Variants in PTPRB observed in about 807,000 individuals in gnomAD.
PTPRB encodes the protein protein tyrosine phosphatase receptor type B.
Under a neutral mutation model 238.1 loss-of-function variants are expected in PTPRB, and 97 were observed. That is an observed-to-expected ratio of 0.41 (90% CI 0.35 to 0.48). The LOEUF (loss-of-function observed/expected upper bound fraction) is 0.48, where lower values mean the gene tolerates loss of function less well. Ranked by LOEUF, PTPRB falls within the 20% of genes least tolerant of loss-of-function variation. The probability of loss-of-function intolerance (pLI) is 0.30; values close to 1 mark genes in which losing one functional copy is unlikely to be tolerated. For missense variants in PTPRB, 2,292 were observed against 2,681.9 expected (o/e 0.85, Z 3.21); for synonymous variants, 970 against 995.4 (o/e 0.97, Z 0.48).
intron 4 of PTPRB, chr12:70,608,637 G>C (rs1016342763): frequency 6.1e-6 from 1 of 162,938 alleles, no homozygotes; most frequent in Non-Finnish European, 1.3e-5. Context: ...CAGATTTTAT[G>C]TACAGTTCTA....
chr12:70,526,176 C>CAATA (rs908981552), intron 32 of PTPRB, among the ~76,000 whole-genome samples: 1 of 152,106 alleles, frequency 6.6e-6, no homozygotes, highest in African/African-American at 2.4e-5. Flanking sequence ...CTGGTATAAT[C>CAATA]AATAGATAAG....
chr12:70,562,448 CTGTT>C (rs1338715063), intron 16 of PTPRB, among the ~76,000 whole-genome samples: 2 of 152,180 alleles, frequency 1.3e-5, no homozygotes, highest in Admixed American at 6.5e-5. Flanking sequence ...CAGTCACTGC[CTGTT>C]TGTTATATTT....
rs780644388 is a variant in PTPRB at position 70,560,725 on chromosome 12, C to T, written c.4378G>A (p.Val1460Met). 2 of 1,613,880 alleles carry T rather than the reference C, an allele frequency of 1.2e-6. No individual in the cohort carries two copies. Among genetic ancestry groups the T allele is most frequent in the Admixed American group, 1.7e-5 (1 of 59,994 alleles). The change falls in exon 17 of 34, where the codon GTG (valine) becomes ATG (methionine). Residue 1460 changes from valine to methionine, a missense_variant. Transcript: ENST00000334414. This position sits in a 1 kb window ranked among gnomAD's most constrained non-coding sequence, Gnocchi z 4.2. ...CTGAGATCTCCACTGTGAGTTACCACCCACAGCACGTACTTCCTTCCAGGA... is the reference window on the plus strand; with the variant it reads ...CTGAGATCTCCACTGTGAGTTACCATCCACAGCACGTACTTCCTTCCAGGA... The part of the protein sequence containing the change: ...LVPGRKYVLW[V>M]VTHSGDLSNK...
chr12:70,535,189 C>T (rs1325266807), intron 29 of PTPRB, among the ~76,000 whole-genome samples: 1 of 145,324 alleles, frequency 6.9e-6, no homozygotes, highest in Non-Finnish European at 1.5e-5. Flanking sequence ...CCTTTGGGTT[C>T]ACTCATTTTT....
chr12:70,522,863 C>CTTTTTTTTTTTTTTTTTTTT (rs35913444), intron 33 of PTPRB, among the ~76,000 whole-genome samples: 1 of 118,238 alleles, frequency 8.5e-6, no homozygotes, highest in Non-Finnish European at 1.7e-5. Flanking sequence ...TTTGTTTTTT[C>CTTTTTTTTTTTTTTTTTTTT]TTTTTTTTTT....
Position 70,560,608 on chromosome 12 carries a change from CA to C in PTPRB, c.4432+62del, listed in dbSNP as rs878899149. ...TATCTCTTGTCATTAAAATCAGAATCAAAATGTGTCTCTGGAAGCTACTTCC... is the reference window on the plus strand; with the variant it reads ...TATCTCTTGTCATTAAAATCAGAATCAAATGTGTCTCTGGAAGCTACTTCC... On this transcript the variant is annotated intron_variant, in intron 17 of 33. Transcript: ENST00000334414. This position sits in a 1 kb window ranked among gnomAD's most constrained non-coding sequence, Gnocchi z 4.2. 6.8e-5 allele frequency: 108 copies of C among 1,587,008 alleles called. 1 individual carries two copies. In the South Asian group the frequency reaches 1.2e-3, roughly 17 times the overall value.
At chr12:70,627,028 G>A (rs1414532738) in intron 2 of PTPRB, among the ~76,000 whole-genome samples, 1 of 151,736 alleles carries the variant, frequency 6.6e-6, no homozygotes. Flanking sequence ...CATAGCACAG[G>A]GAATAAATTA....
chr12:70,590,075 T>C lies in PTPRB; in HGVS notation c.1939A>G (p.Thr647Ala). 1 of 1,614,016 alleles carries C rather than the reference T, an allele frequency of 6.2e-7. No individual in the cohort carries two copies. The highest frequency in any genetic ancestry group is 8.5e-7 in the Non-Finnish European group (1 of 1,179,864). ...LLNITVGKEETQYVMDDTGLV... is the reference protein window; with the variant it reads ...LLNITVGKEEAQYVMDDTGLV... ...CCCGTGTCATCCATGACATACTGTGTTTCTTCCTTTCCCACAGTGATGTTG... is the reference window on the plus strand; with the variant it reads ...CCCGTGTCATCCATGACATACTGTGCTTCTTCCTTTCCCACAGTGATGTTG... The change falls in exon 8 of 34, where the codon ACA becomes GCA. Residue 647 changes from threonine to alanine, a missense_variant. Thr to Ala is a moderately conservative substitution (Grantham distance 58). Coordinates refer to ENST00000334414, the MANE Select transcript of PTPRB (RefSeq NM_001109754.4).
intron 19 of PTPRB, among the ~76,000 whole-genome samples, 191 bp downstream of exon 19, chr12:70,555,679 G>T (rs180832068): frequency 5.2e-4 from 75 of 143,688 alleles, no homozygotes; most frequent in Non-Finnish European, 7.4e-4. Context: ...TGCTGTCAGG[G>T]TACTTTACCC....
At chr12:70,582,851 A>G (rs1472878387) in intron 9 of PTPRB, among the ~76,000 whole-genome samples, 1 of 152,192 alleles carries the variant, frequency 6.6e-6, no homozygotes, top group Non-Finnish European at 1.5e-5. Context: ...AAGGACAAAC[A>G]AACAATCCTA....
At chr12:70,586,951 A>C in intron 9 of PTPRB, 56 bp downstream of exon 9, 1 of 1,514,326 alleles carries the variant, frequency 6.6e-7, no homozygotes, top group Non-Finnish European at 9.0e-7. Context: ...TTGCATGTTA[A>C]ATAGTAATTC....
rs184299773 is a variant in PTPRB at position 70,571,065 on chromosome 12, C to A, written c.3331G>T (p.Gly1111Trp). ...QYKILVLTISGDVQQSAFIEG... is the reference protein window; with the variant it reads ...QYKILVLTISWDVQQSAFIEG... Reference sequence around the variant, plus strand: ...ATGAAGGCTGACTGCTGTACATCCCCGCTAATCGTCAAGACAAGAATTTTG... The same window carrying A: ...ATGAAGGCTGACTGCTGTACATCCCAGCTAATCGTCAAGACAAGAATTTTG... The change falls in exon 13 of 34, where the codon GGG becomes TGG. Residue 1111 changes from glycine (G) to tryptophan (W), a missense_variant. This residue lies in a region of PTPRB where 683 missense variants were observed against 862.0 expected (regional missense o/e 0.79). Coordinates refer to ENST00000334414, the MANE Select transcript of PTPRB (RefSeq NM_001109754.4). The A allele has an allele frequency of 6.2e-7, 1 of 1,613,848 alleles. No individual in the cohort carries two copies. Among genetic ancestry groups the A allele is most frequent in the African/African-American group, 1.3e-5 (1 of 74,910 alleles).
rs902792616 is a variant in PTPRB at position 70,594,362 on chromosome 12, A to G, written c.1516+105T>C. The G allele has an allele frequency of 7.7e-6, 11 of 1,421,444 alleles. No homozygotes were observed. In the African/African-American group the frequency reaches 1.1e-4, roughly 15 times the overall value. 88.1% of individuals were successfully genotyped at this position (1,421,444 alleles called of 1,614,324 possible). A position where few individuals can be genotyped will look rare whatever the true frequency, so the allele number is the denominator to read the frequency against. ...TATGGGTCTTCTATACCTTATAAGA[A>G]TTTCAATTTGTCCTATATTACAGTT... On this transcript the variant is annotated intron_variant, in intron 6 of 33. Coordinates refer to ENST00000334414, the MANE Select transcript of PTPRB (RefSeq NM_001109754.4).
chr12:70,603,139 A>G (rs1459248075), intron 4 of PTPRB, among the ~76,000 whole-genome samples: 1 of 152,094 alleles, frequency 6.6e-6, no homozygotes, highest in Non-Finnish European at 1.5e-5. Context: ...AAGTCAGACT[A>G]ATAGAGAAAT....
chr12:70,524,424 A>G (rs757800201), intron 33 of PTPRB, 47 bp downstream of exon 33: 51 of 1,543,796 alleles, frequency 3.3e-5, no homozygotes, highest in Non-Finnish European at 4.4e-5. Context: ...CAGATTGACC[A>G]TATCTTGATG....
intron 2 of PTPRB, among the ~76,000 whole-genome samples, 157 bp from the exon 3 acceptor site, chr12:70,622,803 C>T (rs1227374345): frequency 2.0e-5 from 3 of 152,128 alleles, no homozygotes; most frequent in African/African-American, 7.2e-5. Context: ...GAGTGTGTGA[C>T]AATGTTCATT....
intron 20 of PTPRB, 41 bp from the exon 21 acceptor site, chr12:70,553,061 G>A (rs1434007711): frequency 6.3e-7 from 1 of 1,577,366 alleles, no homozygotes; most frequent in Non-Finnish European, 8.6e-7. Context: ...CCTTTCTTGT[G>A]ACTTAGGTGA....
intron 7 of PTPRB, 151 bp downstream of exon 7, chr12:70,592,131 G>A (rs1882546773): frequency 9.7e-7 from 1 of 1,034,330 alleles, no homozygotes; most frequent in South Asian, 1.6e-5. Context: ...TGACTCAGAA[G>A]AATGGGCCAT....
In PTPRB at chr12:70,571,166, T is replaced by G. The variant is rs1298835774; in HGVS notation, c.3230A>C (p.Lys1077Thr). 2.5e-6 allele frequency: 4 copies of G among 1,613,974 alleles called. No homozygotes were observed. The highest frequency in any genetic ancestry group is 3.4e-6 in the Non-Finnish European group (4 of 1,179,882). The change falls in exon 13 of 34, where the codon AAA becomes ACA. Residue 1077 changes from lysine to threonine, a missense_variant. Lys to Thr is a moderately conservative substitution (Grantham distance 78, BLOSUM62 -1). Coordinates refer to ENST00000334414, the MANE Select transcript of PTPRB (RefSeq NM_001109754.4). ...TACAAGGTGAAAAGGAGGAAATACT[T>G]TCATGTCATTGAAGAGCAGCTGGAT... ...YEIQLLFNDM[K>T]VFPPFHLVNT...
Sources: allele counts gnomAD v4.1 joint callset (sites outside exome capture counted in the v4.1 genomes callset), GRCh38; gene constraint gnomAD v4.1.1; regional missense constraint gnomAD v4.1.1; non-coding constraint Gnocchi (gnomAD v3.1); transcripts MANE v1.5; gene names NCBI Gene and HGNC (gene_info 2026-07-23, HGNC 2026-07-21).